Variants in GPBP1 observed in about 807,000 individuals in gnomAD.
The protein encoded by GPBP1 is vasculin.
GPBP1 carries 13 observed loss-of-function variants against 56.5 expected under a neutral mutation model. The ratio of observed to expected loss-of-function variants is 0.23; its 90% CI spans 0.15 to 0.37. The LOEUF is 0.37. GPBP1 is among the 10% of genes least tolerant of loss of function. The pLI is 1.00. For missense variants in GPBP1, 477 were observed against 572.3 expected (o/e 0.83, Z 1.70); for synonymous variants, 204 against 188.9 (o/e 1.08, Z -0.66).
chr5:57,221,538 C>A, intron 3 of GPBP1: 1 of 566,526 alleles, frequency 1.8e-6, no homozygotes, highest in Non-Finnish European at 3.1e-6. Flanking sequence ...TGAAAGATTT[C>A]GGGGTTGTGG....
intron 2 of GPBP1, among the ~76,000 whole-genome samples, chr5:57,208,048 C>T (rs1461346144): frequency 1.3e-5 from 2 of 152,064 alleles, no homozygotes; most frequent in Admixed American, 1.3e-4. Flanking sequence ...ATCATTTGGT[C>T]AGGAAAACAG....
At chr5:57,201,870 G>A (rs1489255989) in intron 2 of GPBP1, among the ~76,000 whole-genome samples, 4 of 152,122 alleles carry the variant, frequency 2.6e-5, no homozygotes, top group African/African-American at 7.2e-5. Context: ...GAAAAAGTGG[G>A]CTTTTGAGGT....
chr5:57,197,974 A>G lies in GPBP1; in HGVS notation c.-57-16100A>G, dbSNP rs192963692. 1.3e-3 allele frequency among the ~76,000 whole-genome samples: 194 copies of G among 151,962 alleles called. 1 individual carries two copies. Among genetic ancestry groups the G allele is most frequent in the Middle Eastern group, 3.4e-3 (1 of 294 alleles). On this transcript the variant is annotated intron_variant, in intron 2 of 11. Transcript: ENST00000506184. ...ATGTTCTAGGACCCTGAAAAGCCAA[A>G]TATCTTTTGGTGCCAGAACCCATAT...
At chr5:57,193,424 G>A (rs563410932) in intron 2 of GPBP1, among the ~76,000 whole-genome samples, 2 of 151,770 alleles carry the variant, frequency 1.3e-5, no homozygotes, top group East Asian at 3.9e-4. Context: ...ACCAGCTTGG[G>A]CAACATGATG....
chr5:57,251,220 A>T, intron 10 of GPBP1, 79 bp downstream of exon 10: 2 of 1,261,954 alleles, frequency 1.6e-6, no homozygotes. Flanking sequence ...ACGTGATTTA[A>T]CAGGTTTATT....
chr5:57,177,662 T>TC (rs1316048978), intron 2 of GPBP1, among the ~76,000 whole-genome samples: 1 of 82,232 alleles, frequency 1.2e-5, no homozygotes, highest in East Asian at 2.0e-4. Context: ...TTTTTTTTTT[T>TC]TTTTTTTTTT....
rs375439906 is a variant in GPBP1, at chr5:57,179,743, C to T, written c.-58+3343C>T. 8.0e-4 allele frequency among the ~76,000 whole-genome samples: 122 copies of T among 152,010 alleles called. 2 individuals are homozygous for T. Among genetic ancestry groups the T allele is most frequent in the African/African-American group, 2.9e-3 (120 of 41,462 alleles). On this transcript the variant is annotated intron_variant, in intron 2 of 11. Coordinates refer to ENST00000506184, the MANE Select transcript of GPBP1 (RefSeq NM_022913.4). ...AGCCTCTTGAGTAGCTGGGATTACCCGCATGTGCCACCAGGCCTGGCTAAT... is the reference window on the plus strand; with the variant it reads ...AGCCTCTTGAGTAGCTGGGATTACCTGCATGTGCCACCAGGCCTGGCTAAT...
rs1024208950 is a variant in GPBP1, at chr5:57,226,372, C to T, written c.64-4474C>T. On this transcript the variant is annotated intron_variant, in intron 3 of 11. Transcript: ENST00000506184. The stretch of plus-strand genomic sequence containing the variant: ...CCTCACTTGAGATGTTGATAATAGA[C>T]TTAATTAAATGCTGTATAAGACCAG... Among the ~76,000 whole-genome samples, 3 of 152,046 alleles carry T rather than the reference C, an allele frequency of 2.0e-5. No individual in the cohort carries two copies. The South Asian group carries it at 6.2e-4, about 32-fold the overall frequency.
At chr5:57,183,009 A>T (rs927283826) in intron 2 of GPBP1, among the ~76,000 whole-genome samples, 2 of 152,090 alleles carry the variant, frequency 1.3e-5, no homozygotes, top group African/African-American at 4.8e-5. Flanking sequence ...TCAGTTTTCA[A>T]ATTATATTTT....
chr5:57,193,082 C>A (rs1235368003), intron 2 of GPBP1, among the ~76,000 whole-genome samples: 1 of 152,142 alleles, frequency 6.6e-6, no homozygotes, highest in African/African-American at 2.4e-5. Context: ...TTTGGGACGC[C>A]AAGGCGAGTG....
chr5:57,204,497 C>T (rs747589262), intron 2 of GPBP1, among the ~76,000 whole-genome samples: 26 of 152,140 alleles, frequency 1.7e-4, no homozygotes, highest in Admixed American at 2.6e-4. Flanking sequence ...GGCGATACCC[C>T]GACCTGGGCC....
At chr5:57,255,182 G>A (rs552429225) in intron 10 of GPBP1, among the ~76,000 whole-genome samples, 118 of 151,202 alleles carry the variant, frequency 7.8e-4, no homozygotes, top group Non-Finnish European at 1.4e-3. Flanking sequence ...GTGTGTTCAC[G>A]TCCTCTCTCT....
intron 2 of GPBP1, among the ~76,000 whole-genome samples, chr5:57,213,312 A>G (rs948814582): frequency 1.3e-5 from 2 of 152,076 alleles, no homozygotes; most frequent in Non-Finnish European, 2.9e-5. Context: ...CGGCCTCCCA[A>G]AGTGCTGGGA....
intron 2 of GPBP1, among the ~76,000 whole-genome samples, chr5:57,179,692 G>A (rs764366945): frequency 8.6e-5 from 13 of 151,978 alleles, no homozygotes; most frequent in Non-Finnish European, 1.3e-4. Context: ...CTGCCTCCCC[G>A]GTTCAAGCGA....
intron 6 of GPBP1, chr5:57,237,188 A>T: frequency 6.6e-7 from 1 of 1,522,682 alleles, no homozygotes; most frequent in Middle Eastern, 1.7e-4. Flanking sequence ...TTTCCTTATT[A>T]TTCAGTTTTT....
In GPBP1 at chr5:57,214,079, T is replaced by TG; in HGVS notation, c.-51dup. ...CTTCCATTTTTATGTGACAGGGACTTGCCATGAGGTGTTGAAGCCTTGTTT... is the reference window on the plus strand; with the variant it reads ...CTTCCATTTTTATGTGACAGGGACTTGGCCATGAGGTGTTGAAGCCTTGTTT... On this transcript the variant is annotated 5_prime_UTR_variant, in exon 3 of 12. Coordinates refer to ENST00000506184, the MANE Select transcript of GPBP1 (RefSeq NM_022913.4). 1 of 1,457,096 alleles carries TG rather than the reference T, an allele frequency of 6.9e-7. No individual in the cohort carries two copies. Among genetic ancestry groups the TG allele is most frequent in the Non-Finnish European group, 9.6e-7 (1 of 1,038,176 alleles). 90.3% of individuals were successfully genotyped at this position (1,457,096 alleles called of 1,614,324 possible). A position where few individuals can be genotyped will look rare whatever the true frequency, so the allele number is the denominator to read the frequency against.
intron 3 of GPBP1, among the ~76,000 whole-genome samples, chr5:57,215,708 C>CT (rs562159108): frequency 5.0e-4 from 76 of 152,322 alleles, no homozygotes; most frequent in African/African-American, 1.8e-3. Flanking sequence ...TCTGAGAGGG[C>CT]TGTTAGTGTT....
chr5:57,184,057 C>A (rs560277917), intron 2 of GPBP1, among the ~76,000 whole-genome samples: 18 of 152,160 alleles, frequency 1.2e-4, no homozygotes, highest in African/African-American at 3.6e-4. Flanking sequence ...CATGGTGAAA[C>A]CCTGTCTTTA....
At chr5:57,247,004 T>C in intron 7 of GPBP1, 71 bp from the exon 8 acceptor site, 1 of 1,397,064 alleles carries the variant, frequency 7.2e-7, no homozygotes, top group Non-Finnish European at 9.8e-7. Context: ...TGTTTTATAA[T>C]ATTCACTGTT....
Sources: gnomAD v4.1 joint callset for allele counts (sites outside exome capture counted in the v4.1 genomes callset) on GRCh38, gnomAD v4.1.1 for gene constraint, MANE v1.5 for transcripts, NCBI Gene and HGNC (gene_info 2026-07-23, HGNC 2026-07-21) for gene names.